Variants in MARCHF1 observed in about 807,000 individuals in gnomAD.
MARCHF1 encodes membrane associated ring-CH-type finger 1, also known as E3 ubiquitin-protein ligase MARCHF1.
MARCHF1 carries 40 observed loss-of-function variants against 54.2 expected under a neutral mutation model. That is an observed-to-expected ratio of 0.74 (90% CI 0.57 to 0.96). The LOEUF is 0.96. MARCHF1 is among the 40% of genes least tolerant of loss of function. The pLI, the probability that MARCHF1 is intolerant of heterozygous loss-of-function variation, is 0.00. For missense variants in MARCHF1, 586 were observed against 656.5 expected, an observed-to-expected ratio of 0.89 and a Z score of 1.17; for synonymous variants, 236 against 236.3, an observed-to-expected ratio of 1.00 and a Z score of 0.01.
At chr4:164,021,270 C>G (rs1163462980) in intron 2 of MARCHF1, among the ~76,000 whole-genome samples, 2 of 152,086 alleles carry the variant, frequency 1.3e-5, no homozygotes, top group Non-Finnish European at 2.9e-5. Context: ...TCAAATGAAA[C>G]TTCTCTTAGG....
intron 1 of MARCHF1, among the ~76,000 whole-genome samples, chr4:164,140,219 T>C (rs1004485519): frequency 5.0e-5 from 6 of 120,292 alleles, no homozygotes; most frequent in African/African-American, 1.4e-4. Flanking sequence ...ACACACACTA[T>C]ATATACACAT....
chr4:163,544,018 C>T (rs140944297), intron 9 of MARCHF1, among the ~76,000 whole-genome samples: 229 of 152,226 alleles, frequency 1.5e-3, no homozygotes, highest in Non-Finnish European at 2.6e-3. Flanking sequence ...CATGTCTGCC[C>T]TTGATTGCTA....
At chr4:164,215,995 T>C (rs995250994) in intron 1 of MARCHF1, among the ~76,000 whole-genome samples, 1 of 152,182 alleles carries the variant, frequency 6.6e-6, no homozygotes, top group African/African-American at 2.4e-5. Flanking sequence ...TTTCTGTATT[T>C]AATTAGGTTC....
chr4:163,814,492 G>A (rs1436039740), intron 4 of MARCHF1, among the ~76,000 whole-genome samples: 1 of 152,154 alleles, frequency 6.6e-6, no homozygotes, highest in Non-Finnish European at 1.5e-5. Flanking sequence ...GCTGAGGCAG[G>A]AGTATCGCCT....
At chr4:163,679,634 A>T (rs540865929) in intron 5 of MARCHF1, among the ~76,000 whole-genome samples, 31 of 146,494 alleles carry the variant, frequency 2.1e-4, no homozygotes, top group Middle Eastern at 3.6e-3. Flanking sequence ...TTTTTTTGAG[A>T]TGGAGTCTCG....
chr4:164,234,811 G>T (rs953415811), intron 1 of MARCHF1: 7 of 151,992 alleles, frequency 4.6e-5, no homozygotes, highest in African/African-American at 1.7e-4. Flanking sequence ...ACAAAAAAGG[G>T]TTCCAGTTAA....
At chr4:163,552,749 G>C (rs575984904) in intron 8 of MARCHF1, among the ~76,000 whole-genome samples, 1 of 152,112 alleles carries the variant, frequency 6.6e-6, no homozygotes, top group East Asian at 1.9e-4. Context: ...TGAGGGCTCT[G>C]GGGGCCTGGA....
At chr4:164,005,824 A>G (rs1753274707) in intron 2 of MARCHF1, among the ~76,000 whole-genome samples, 1 of 152,208 alleles carries the variant, frequency 6.6e-6, no homozygotes, top group Non-Finnish European at 1.5e-5. Context: ...GCCATTGGGC[A>G]TAAACACCTA....
intron 2 of MARCHF1, among the ~76,000 whole-genome samples, chr4:164,100,057 A>C (rs940107392): frequency 3.9e-5 from 6 of 152,200 alleles, no homozygotes; most frequent in East Asian, 3.8e-4. Flanking sequence ...CTGACAAGAA[A>C]CTGAATTTTC....
chr4:164,377,970 T>C (rs1320893969), intron 1 of MARCHF1, among the ~76,000 whole-genome samples: 2 of 152,238 alleles, frequency 1.3e-5, no homozygotes, highest in African/African-American at 4.8e-5. Flanking sequence ...TCTATGTTTA[T>C]TATCAGTTAA....
At chr4:164,335,145 A>G (rs1285803179) in intron 1 of MARCHF1, among the ~76,000 whole-genome samples, 1 of 152,194 alleles carries the variant, frequency 6.6e-6, no homozygotes, top group Non-Finnish European at 1.5e-5. Flanking sequence ...AACTTAAATG[A>G]AAAGGCAGTG....
intron 1 of MARCHF1, among the ~76,000 whole-genome samples, chr4:164,140,148 T>C (rs1373998733): frequency 2.0e-5 from 3 of 151,268 alleles, no homozygotes; most frequent in African/African-American, 4.9e-5. Flanking sequence ...ATATTAAAGA[T>C]ACATAGGCAC....
rs1751622585 is a variant in MARCHF1, at chr4:163,929,944, T to TA, written c.-39+58556dup. 7.9e-4 allele frequency among the ~76,000 whole-genome samples: 5 copies of TA among 6,304 alleles called. No individual in the cohort carries two copies. In the Non-Finnish European group the frequency reaches 0.032, roughly 40 times the overall value. The allele number at this position is 6,304 out of a possible 152,430, so 4.1% of individuals were successfully genotyped here. On this transcript the variant is annotated intron_variant, in intron 3 of 9. Transcript: ENST00000514618. ...ATATATATAATATATTATATATTTA[T>TA]ATTATATATATTATATATAATATAT... is the stretch of plus-strand genomic sequence containing the variant.
At chr4:163,742,615 C>T (rs1409065689) in intron 4 of MARCHF1, among the ~76,000 whole-genome samples, 1 of 151,500 alleles carries the variant, frequency 6.6e-6, no homozygotes, top group Non-Finnish European at 1.5e-5. Context: ...TAGCTTGGAC[C>T]ACAGGTGCAC....
At chr4:163,949,406 G>A (rs1047118258) in intron 3 of MARCHF1, among the ~76,000 whole-genome samples, 1 of 152,192 alleles carries the variant, frequency 6.6e-6, no homozygotes, top group African/African-American at 2.4e-5. Flanking sequence ...AAGCTCTAGG[G>A]CTGGGCTCCC....
At chr4:163,812,688 G>A (rs2111016949) in intron 4 of MARCHF1, among the ~76,000 whole-genome samples, 1 of 152,230 alleles carries the variant, frequency 6.6e-6, no homozygotes, top group South Asian at 2.1e-4. Context: ...AACCTGGGAG[G>A]CGGGAGTTGC....
rs895792426 is a variant in MARCHF1, at chr4:163,929,684, T to C, written c.-39+58817A>G. On this transcript the variant is annotated intron_variant, in intron 3 of 9. Coordinates refer to ENST00000514618, the MANE Select transcript of MARCHF1 (RefSeq NM_001394959.1). ...AATTGTATGACAGTATCACAGACGA[T>C]GAAATCAGAGTTTGGGAGCTATAAT... Among the ~76,000 whole-genome samples the C allele has an allele frequency of 3.3e-5, 5 of 151,376 alleles. No individual in the cohort carries two copies. The South Asian group carries it at 1.0e-3, about 31-fold the overall frequency.
At chr4:163,783,713 G>T (rs1032025713) in intron 4 of MARCHF1, among the ~76,000 whole-genome samples, 1 of 152,172 alleles carries the variant, frequency 6.6e-6, no homozygotes, top group Non-Finnish European at 1.5e-5. Context: ...AGGTACAGGA[G>T]CAATTGGCTT....
intron 4 of MARCHF1, among the ~76,000 whole-genome samples, chr4:163,837,546 A>G (rs1327342881): frequency 6.6e-6 from 1 of 152,176 alleles, no homozygotes; most frequent in Non-Finnish European, 1.5e-5. Flanking sequence ...AACTATATCA[A>G]GGTAGACTTT....
Sources: allele counts gnomAD v4.1 joint callset (sites outside exome capture counted in the v4.1 genomes callset), GRCh38; gene constraint gnomAD v4.1.1; transcripts MANE v1.5; gene names NCBI Gene and HGNC (gene_info 2026-07-23, HGNC 2026-07-21).